Variants in TFAP2B observed in about 807,000 individuals in gnomAD.
The protein encoded by TFAP2B is transcription factor AP-2 beta, also known as transcription factor AP-2-beta.
In TFAP2B, 9 loss-of-function variants were observed where a neutral mutation model predicts 44.3. That is an observed-to-expected ratio of 0.20 (90% CI 0.12 to 0.35). The LOEUF is 0.35. Among genes scored for constraint, TFAP2B ranks in the 10% least tolerant of loss-of-function variants. The pLI, the probability that TFAP2B is intolerant of heterozygous loss-of-function variation, is 1.00. For synonymous variants in TFAP2B, 270 were observed against 263.8 expected (o/e 1.02, Z -0.23); for missense variants, 509 against 600.0 (o/e 0.85, Z 1.59).
rs1246585100 is a variant in TFAP2B at position 50,843,243 on chromosome 6, G to T, written c.1234G>T (p.Ala412Ser). Residue 412 changes from alanine (A) to serine (S), a missense_variant, in exon 7 of 7, where the codon GCC becomes TCC. This residue lies in a region of TFAP2B where 168 missense variants were observed against 183.2 expected (regional missense o/e 0.92). Coordinates refer to ENST00000393655, the MANE Select transcript of TFAP2B (RefSeq NM_003221.4). The part of the protein sequence containing the change: ...THGFGAPAIC[A>S]ALTALQNYLT... The stretch of plus-strand genomic sequence containing the variant: ...CGGCTTCGGCGCCCCGGCCATTTGC[G>T]CCGCGCTCACGGCCCTGCAGAACTA... 1 of 1,614,062 alleles carries T rather than the reference G, an allele frequency of 6.2e-7. No homozygotes were observed. Among genetic ancestry groups the T allele is most frequent in the African/African-American group, 1.3e-5 (1 of 74,912 alleles).
intron 3 of TFAP2B, among the ~76,000 whole-genome samples, chr6:50,829,388 C>T (rs1697595283): frequency 6.6e-6 from 1 of 152,114 alleles, no homozygotes; most frequent in Admixed American, 6.5e-5. Flanking sequence ...TACAATAACT[C>T]ATTTTGGGTG....
Position 50,843,501 on chromosome 6 carries a change from G to C in TFAP2B, c.*109G>C, listed in dbSNP as rs1199157381. The C allele has an allele frequency of 8.7e-7, 1 of 1,150,594 alleles. No homozygotes were observed. Among genetic ancestry groups the C allele is most frequent in the Non-Finnish European group, 1.2e-6 (1 of 815,894 alleles). The allele number at this position is 1,150,594 out of a possible 1,614,324, so 71.3% of individuals were successfully genotyped here. A position where few individuals can be genotyped will look rare whatever the true frequency, so the allele number is the denominator to read the frequency against. On this transcript the variant is annotated 3_prime_UTR_variant, in exon 7 of 7. Transcript: ENST00000393655. ...GATTGGCTTTGGAAGAATTATATTA[G>C]GTAGAATACACATACAATCAAAATT... is the stretch of plus-strand genomic sequence containing the variant.
At chr6:50,834,821 C>T (rs1320412859) in intron 3 of TFAP2B, among the ~76,000 whole-genome samples, 2 of 152,150 alleles carry the variant, frequency 1.3e-5, no homozygotes, top group Admixed American at 6.5e-5. Context: ...ATTTTTTGGA[C>T]TGGTGATCGA....
chr6:50,819,042 A>C, intron 1 of TFAP2B, 70 bp downstream of exon 1: 1 of 1,378,312 alleles, frequency 7.3e-7, no homozygotes, highest in Non-Finnish European at 1.0e-6. Context: ...GATACCCCAA[A>C]TGATATATAT....
At chr6:50,835,607 C>T (rs778613169) in intron 3 of TFAP2B, among the ~76,000 whole-genome samples, 3 of 152,158 alleles carry the variant, frequency 2.0e-5, no homozygotes, top group Non-Finnish European at 4.4e-5. Flanking sequence ...CATTTTATAT[C>T]ACCGCATGGT....
At chr6:50,822,198 C>T (rs1374514616) in intron 1 of TFAP2B, 3 of 1,292,938 alleles carry the variant, frequency 2.3e-6, no homozygotes, top group East Asian at 1.1e-4. Flanking sequence ...ATTGCATGCT[C>T]CCTCCTCTCA....
chr6:50,847,464 T>TG lies in TFAP2B; in HGVS notation c.*4075dup, dbSNP rs1762873133. ...ATCTGTGAATCTATACCTCTGTGAATGGGTGGTTAAAAAACCTCTTGACCC... is the reference window on the plus strand; with the variant it reads ...ATCTGTGAATCTATACCTCTGTGAATGGGGTGGTTAAAAAACCTCTTGACCC... On this transcript the variant is annotated 3_prime_UTR_variant, in exon 7 of 7. Coordinates refer to ENST00000393655, the MANE Select transcript of TFAP2B (RefSeq NM_003221.4). 1 of 152,650 alleles carries TG rather than the reference T, an allele frequency of 6.6e-6. No homozygotes were observed. The highest frequency in any genetic ancestry group is 2.4e-5 in the African/African-American group (1 of 41,448). 9.5% of individuals were successfully genotyped at this position (152,650 alleles called of 1,614,324 possible).
chr6:50,832,494 A>T (rs1272465365), intron 3 of TFAP2B, among the ~76,000 whole-genome samples: 5 of 152,174 alleles, frequency 3.3e-5, no homozygotes, highest in African/African-American at 1.2e-4. Context: ...TTGTGGAATA[A>T]AATTTTACAC....
At chr6:50,821,233 C>A (rs1770337164) in intron 1 of TFAP2B, among the ~76,000 whole-genome samples, 1 of 152,190 alleles carries the variant, frequency 6.6e-6, no homozygotes, top group Non-Finnish European at 1.5e-5. Flanking sequence ...ACTATGTGAG[C>A]ACTAAACAGG....
Position 50,843,152 on chromosome 6 carries a change from C to T in TFAP2B, c.1143C>T (p.Ser381=), listed in dbSNP as rs781470330. The T allele has an allele frequency of 2.5e-6, 4 of 1,614,238 alleles. No homozygotes were observed. The highest frequency in any genetic ancestry group is 3.4e-6 in the Non-Finnish European group (4 of 1,180,042). The part of the protein sequence containing the change: ...LAQDRTPIGN[S]RPSPILEPGI... ...AGGACCGGACACCGATAGGGAACAG[C>T]CGACCCAGCCCCATCCTGGAGCCGG... Residue 381 remains serine, a synonymous_variant, in exon 7 of 7, where the codon AGC becomes AGT. Coordinates refer to ENST00000393655, the MANE Select transcript of TFAP2B (RefSeq NM_003221.4).
intron 4 of TFAP2B, 124 bp downstream of exon 4, chr6:50,836,404 C>G: frequency 1.1e-6 from 1 of 899,744 alleles, no homozygotes; most frequent in South Asian, 1.4e-5. Context: ...ACGCAGTTGC[C>G]TAGCAACCGG....
chr6:50,828,541 A>G, intron 2 of TFAP2B, 78 bp from the exon 3 acceptor site: 5 of 1,277,944 alleles, frequency 3.9e-6, no homozygotes, highest in Non-Finnish European at 5.7e-6. Context: ...CAGAAACTCC[A>G]GTTTGGAATA....
intron 1 of TFAP2B, chr6:50,822,296 T>A: frequency 1.5e-6 from 1 of 685,822 alleles, no homozygotes; most frequent in Non-Finnish European, 2.3e-6. Flanking sequence ...TTTGGCTTGG[T>A]AATTTAGCAC....
chr6:50,823,770 G>T lies in TFAP2B; in HGVS notation c.445G>T (p.Val149Leu). Residue 149 changes from valine (V) to leucine (L), a missense_variant, in exon 2 of 7, where the codon GTG becomes TTG. By Grantham distance (32) the Val-to-Leu change is conservative. This residue lies in a region of TFAP2B where 296 missense variants were observed against 308.2 expected (regional missense o/e 0.96). Transcript: ENST00000393655. ...RDYHSVRRPD[V>L]LLHSAHHGLD... ...CTACCACTCGGTCCGCCGGCCGGAC[G>T]TGCTGCTGCATTCGGCGCACCACGG... is the stretch of plus-strand genomic sequence containing the variant. The T allele has an allele frequency of 1.1e-5, 18 of 1,598,624 alleles. No individual in the cohort carries two copies. Among genetic ancestry groups the T allele is most frequent in the Non-Finnish European group, 1.4e-5 (16 of 1,172,504 alleles).
chr6:50,840,794 A>T (rs183201353), intron 6 of TFAP2B, among the ~76,000 whole-genome samples: 389 of 152,352 alleles, frequency 2.6e-3, no homozygotes, highest in Non-Finnish European at 4.7e-3. Context: ...AGAGGGGAAA[A>T]TAGTAAATCT....
chr6:50,820,756 G>A (rs1403033974), intron 1 of TFAP2B, among the ~76,000 whole-genome samples: 2 of 152,248 alleles, frequency 1.3e-5, no homozygotes, highest in Admixed American at 6.5e-5. Flanking sequence ...AACAGCTCAA[G>A]CTATATGCAT....
chr6:50,836,977 T>A (rs1762636612), intron 4 of TFAP2B, among the ~76,000 whole-genome samples: 1 of 152,214 alleles, frequency 6.6e-6, no homozygotes, highest in Admixed American at 6.5e-5. Context: ...TGTGAGAGAA[T>A]GTGGATTTTA....
chr6:50,831,169 C>T (rs1019334496), intron 3 of TFAP2B, among the ~76,000 whole-genome samples: 2 of 152,160 alleles, frequency 1.3e-5, no homozygotes, highest in Admixed American at 6.5e-5. Context: ...ATTATGGGCT[C>T]CCTCTCTTGT....
Position 50,836,109 on chromosome 6 carries a change from G to T in TFAP2B, c.650G>T (p.Gly217Val), listed in dbSNP as rs762192270. 1 of 1,614,096 alleles carries T rather than the reference G, an allele frequency of 6.2e-7. No individual in the cohort carries two copies. Among genetic ancestry groups the T allele is most frequent in the South Asian group, 1.1e-5 (1 of 91,082 alleles). Reference sequence around the variant, plus strand: ...ACTTCTCTAATGATGAATAAAGACGGCTTCCTGGGAGGCATGTCTGTCAAC... The same window carrying T: ...ACTTCTCTAATGATGAATAAAGACGTCTTCCTGGGAGGCATGTCTGTCAAC... Reference protein sequence around the residue: ...SVTSLMMNKDGFLGGMSVNTG... With the variant: ...SVTSLMMNKDVFLGGMSVNTG... Residue 217 changes from glycine to valine, a missense_variant, in exon 4 of 7, where the codon GGC (glycine) becomes GTC (valine). Around this residue, in one of 3 missense-constraint regions of TFAP2B, gnomAD observed 296 missense variants for 308.2 expected, o/e 0.96. Transcript: ENST00000393655.
Sources: allele counts gnomAD v4.1 joint callset (sites outside exome capture counted in the v4.1 genomes callset), GRCh38; gene constraint gnomAD v4.1.1; regional missense constraint gnomAD v4.1.1; transcripts MANE v1.5; gene names NCBI Gene and HGNC (gene_info 2026-07-23, HGNC 2026-07-21).